The following SYNPR variants were observed in gnomAD, a reference collection of about 807,000 sequenced individuals.
The protein encoded by SYNPR is synaptoporin.
In SYNPR, 23 loss-of-function variants were observed where a neutral mutation model predicts 32.9. The ratio of observed to expected loss-of-function variants is 0.70; its 90% CI spans 0.50 to 0.99. The LOEUF is 0.99. Among genes scored for constraint, SYNPR ranks in the 50% least tolerant of loss-of-function variants. SYNPR has a pLI of 0.00. For synonymous variants in SYNPR, 146 were observed against 135.9 expected (o/e 1.07, Z -0.52); for missense variants, 318 against 349.3 (o/e 0.91, Z 0.71).
intron 2 of SYNPR, among the ~76,000 whole-genome samples, chr3:63,419,042 C>T (rs2088575596): frequency 6.6e-6 from 1 of 152,136 alleles, no homozygotes; most frequent in South Asian, 2.1e-4. Flanking sequence ...TTCTAGAGTT[C>T]CTCCATAGGC....
At chr3:63,586,034 T>C (rs767855756) in intron 4 of SYNPR, among the ~76,000 whole-genome samples, 2 of 152,070 alleles carry the variant, frequency 1.3e-5, no homozygotes, top group Non-Finnish European at 2.9e-5. Context: ...ACATGATAAG[T>C]GGGGAAGTGG....
At chr3:63,485,212 T>C (rs969035430) in intron 3 of SYNPR, among the ~76,000 whole-genome samples, 11 of 151,930 alleles carry the variant, frequency 7.2e-5, no homozygotes, top group African/African-American at 2.7e-4. Flanking sequence ...ATGCCTGTTC[T>C]TGTAAAAAAA....
At chr3:63,259,532 G>A (rs1023324563) in intron 2 of SYNPR, among the ~76,000 whole-genome samples, 4 of 152,098 alleles carry the variant, frequency 2.6e-5, no homozygotes, top group African/African-American at 9.7e-5. Flanking sequence ...AGCCCTTCAT[G>A]CTAAAAACTC....
intron 4 of SYNPR, among the ~76,000 whole-genome samples, chr3:63,601,958 T>G (rs1452888080): frequency 6.6e-6 from 1 of 152,140 alleles, no homozygotes; most frequent in Non-Finnish European, 1.5e-5. Context: ...AACAGTGTAT[T>G]AGCATTCCTT....
At chr3:63,567,439 C>A (rs1467845142) in intron 4 of SYNPR, among the ~76,000 whole-genome samples, 1 of 152,160 alleles carries the variant, frequency 6.6e-6, no homozygotes, top group Non-Finnish European at 1.5e-5. Context: ...GTTGTGAGAT[C>A]TTCCCCTCCC....
At chr3:63,251,408 T>C (rs760418133) in intron 1 of SYNPR, among the ~76,000 whole-genome samples, 36 of 152,252 alleles carry the variant, frequency 2.4e-4, no homozygotes, top group Admixed American at 3.9e-4. Context: ...AATTTAAGAC[T>C]GAATTCAGGG....
chr3:63,380,046 C>T (rs1156844545), intron 2 of SYNPR, among the ~76,000 whole-genome samples: 1 of 152,152 alleles, frequency 6.6e-6, no homozygotes, highest in Non-Finnish European at 1.5e-5. Context: ...CATAGTATTC[C>T]ATGGTGTATA....
In SYNPR at chr3:63,551,073, T is replaced by C. The variant is rs138719329; in HGVS notation, c.210-5470T>C. ...CAATTTGCCCATTTAAACTGTACAA[T>C]TCTCCCATCCTCCACCCAGTCCTAA... On this transcript the variant is annotated intron_variant, in intron 3 of 5. Coordinates refer to ENST00000478300, the MANE Select transcript of SYNPR (RefSeq NM_001130003.2). 4.1e-3 allele frequency among the ~76,000 whole-genome samples: 626 copies of C among 152,304 alleles called. 3 individuals carry two copies. Among genetic ancestry groups the C allele is most frequent in the Non-Finnish European group, 6.7e-3 (459 of 68,032 alleles).
chr3:63,366,320 A>G (rs115808071), intron 2 of SYNPR, among the ~76,000 whole-genome samples: 1 of 151,948 alleles, frequency 6.6e-6, no homozygotes, highest in African/African-American at 2.4e-5. Flanking sequence ...AGGAATATTT[A>G]TGGTTTTAAA....
chr3:63,306,987 A>G (rs2086915896), intron 2 of SYNPR, among the ~76,000 whole-genome samples: 1 of 152,090 alleles, frequency 6.6e-6, no homozygotes, highest in Non-Finnish European at 1.5e-5. Flanking sequence ...AATAATTGTC[A>G]TATACTGAAT....
intron 2 of SYNPR, among the ~76,000 whole-genome samples, chr3:63,393,130 C>T (rs1350498115): frequency 6.6e-6 from 1 of 152,156 alleles, no homozygotes; most frequent in Non-Finnish European, 1.5e-5. Flanking sequence ...ACTTACACAC[C>T]TAAAGCACTC....
rs149367043 is a variant in SYNPR at position 63,312,558 on chromosome 3, G to C, written c.84+33816G>C. Among the ~76,000 whole-genome samples, 3 of 152,062 alleles carry C rather than the reference G, an allele frequency of 2.0e-5. No homozygotes were observed. The East Asian group carries it at 5.9e-4, about 30-fold the overall frequency. On this transcript the variant is annotated intron_variant, in intron 2 of 5. Coordinates refer to ENST00000478300, the MANE Select transcript of SYNPR (RefSeq NM_001130003.2). ...TCATTTTCTACTTTCAGAAAAAAAA[G>C]AGAAAGTCATTTCTTTCAACTTCCT... is the stretch of plus-strand genomic sequence containing the variant.
At chr3:63,321,643 C>G (rs1263718186) in intron 2 of SYNPR, among the ~76,000 whole-genome samples, 1 of 152,068 alleles carries the variant, frequency 6.6e-6, no homozygotes, top group Non-Finnish European at 1.5e-5. Context: ...TAGTACATAG[C>G]AGGTGCTTAT....
At chr3:63,429,089 G>A (rs966438247) in intron 2 of SYNPR, among the ~76,000 whole-genome samples, 7 of 152,194 alleles carry the variant, frequency 4.6e-5, no homozygotes, top group Non-Finnish European at 1.0e-4. Context: ...AGTTAGGGCT[G>A]TGAAAGATTT....
intron 2 of SYNPR, among the ~76,000 whole-genome samples, chr3:63,447,678 T>G (rs1700303378): frequency 6.6e-6 from 1 of 152,076 alleles, no homozygotes; most frequent in Non-Finnish European, 1.5e-5. Flanking sequence ...GGTTTGAAAA[T>G]GGAAACACCT....
At chr3:63,341,823 C>A (rs1273441221) in intron 2 of SYNPR, among the ~76,000 whole-genome samples, 1 of 152,108 alleles carries the variant, frequency 6.6e-6, no homozygotes, top group Non-Finnish European at 1.5e-5. Flanking sequence ...GTATCTCTCA[C>A]AAAGCAGATG....
At chr3:63,334,303 G>C (rs1665481174) in intron 2 of SYNPR, among the ~76,000 whole-genome samples, 1 of 152,172 alleles carries the variant, frequency 6.6e-6, no homozygotes, top group Non-Finnish European at 1.5e-5. Context: ...GTCAACCTTG[G>C]TGGCTTTGGC....
chr3:63,448,737 C>T (rs984896697), intron 2 of SYNPR, among the ~76,000 whole-genome samples: 2 of 152,096 alleles, frequency 1.3e-5, no homozygotes, highest in East Asian at 1.9e-4. Flanking sequence ...ATGGGAGATA[C>T]AATGATGAAC....
At chr3:63,572,632 T>A (rs1024410915) in intron 4 of SYNPR, among the ~76,000 whole-genome samples, 1 of 152,144 alleles carries the variant, frequency 6.6e-6, no homozygotes, top group Admixed American at 6.6e-5. Flanking sequence ...TTTGTGAAAG[T>A]GGAAAATAAT....
Sources: gnomAD v4.1 joint callset for allele counts (sites outside exome capture counted in the v4.1 genomes callset) on GRCh38, gnomAD v4.1.1 for gene constraint, MANE v1.5 for transcripts, NCBI Gene and HGNC (gene_info 2026-07-23, HGNC 2026-07-21) for gene names.